The following HAT1 variants were observed in gnomAD, a reference collection of about 807,000 sequenced individuals.
The protein encoded by HAT1 is histone acetyltransferase 1.
Under a neutral mutation model 56.6 loss-of-function variants are expected in HAT1, and 20 were observed. That is an observed-to-expected ratio of 0.35 (90% CI 0.25 to 0.51). HAT1 has a LOEUF of 0.51. Ranked by LOEUF, HAT1 falls within the 20% of genes least tolerant of loss-of-function variation. The probability of loss-of-function intolerance (pLI) is 0.95; values close to 1 mark genes in which losing one functional copy is unlikely to be tolerated. For synonymous variants in HAT1, 146 were observed against 165.5 expected (o/e 0.88, Z 0.91); for missense variants, 408 against 504.3 (o/e 0.81, Z 1.83).
At chr2:171,977,555 ATATT>A (rs1390140334) in intron 9 of HAT1, among the ~76,000 whole-genome samples, 22 of 11,192 alleles carry the variant, frequency 2.0e-3, no homozygotes, top group African/African-American at 4.5e-3. Context: ...ATATATATAT[ATATT>A]TTTTTTTTTT....
At chr2:171,943,106 A>T (rs1422087001) in intron 2 of HAT1, among the ~76,000 whole-genome samples, 1 of 151,758 alleles carries the variant, frequency 6.6e-6, no homozygotes, top group African/African-American at 2.4e-5. Flanking sequence ...ACAGGCATAC[A>T]AAAAATACAG....
At chr2:171,932,713 T>G (rs1686777269) in intron 2 of HAT1, among the ~76,000 whole-genome samples, 1 of 151,892 alleles carries the variant, frequency 6.6e-6, no homozygotes, top group South Asian at 2.1e-4. Context: ...AAAATAAAAT[T>G]TAAAAATTAG....
intron 9 of HAT1, among the ~76,000 whole-genome samples, chr2:171,977,535 ATATATATATATATATATATATAT>A (rs1688001292): frequency 1.0e-4 from 2 of 19,856 alleles, no homozygotes; most frequent in Admixed American, 8.5e-4. Flanking sequence ...ATATATATAT[ATATATATATATATATATATATAT>A]TTTTTTTTTT....
chr2:171,981,498 T>C (rs1262692834), intron 10 of HAT1, among the ~76,000 whole-genome samples: 1 of 152,214 alleles, frequency 6.6e-6, no homozygotes, highest in Non-Finnish European at 1.5e-5. Flanking sequence ...ATGCTGATGG[T>C]TCATTGGCTG....
chr2:171,958,449 T>G (rs1687499586), intron 4 of HAT1, among the ~76,000 whole-genome samples: 1 of 152,120 alleles, frequency 6.6e-6, no homozygotes, highest in African/African-American at 2.4e-5. Flanking sequence ...AAAAAATATT[T>G]TTTTAATTTT....
At chr2:171,929,232 A>G (rs970667869) in intron 2 of HAT1, among the ~76,000 whole-genome samples, 5 of 152,020 alleles carry the variant, frequency 3.3e-5, no homozygotes, top group Admixed American at 1.3e-4. Flanking sequence ...GCTATTAAGG[A>G]TTGTTTTTTT....
intron 3 of HAT1, among the ~76,000 whole-genome samples, chr2:171,948,595 A>C (rs1227217645): frequency 6.6e-6 from 1 of 152,282 alleles, no homozygotes; most frequent in South Asian, 2.1e-4. Context: ...TAATTCCTTT[A>C]TAGCAATTTT....
In HAT1 at chr2:171,966,967, T is replaced by G. The variant is rs199558216; in HGVS notation, c.823+18T>G. 1,881 of 1,060,090 alleles carry G rather than the reference T, an allele frequency of 1.8e-3. 16 individuals are homozygous for G. The East Asian group carries it at 0.028, about 16-fold the overall frequency. The allele number at this position is 1,060,090 out of a possible 1,614,324, so 65.7% of individuals were successfully genotyped here. On this transcript the variant is annotated intron_variant, in intron 8 of 10. Transcript: ENST00000264108. Reference sequence around the variant, plus strand: ...TATTACAGGTATGTAAAATTTGATTTGTTACTGAAAGAGCCTTTCTAAAAA... The same window carrying G: ...TATTACAGGTATGTAAAATTTGATTGGTTACTGAAAGAGCCTTTCTAAAAA...
At chr2:171,980,129 C>G (rs1268204646) in intron 10 of HAT1, 2 of 152,108 alleles carry the variant, frequency 1.3e-5, no homozygotes, top group African/African-American at 2.4e-5. Flanking sequence ...AACAAACAAA[C>G]AAACTTATCC....
chr2:171,975,154 G>C (rs1339751228), intron 8 of HAT1, among the ~76,000 whole-genome samples: 1 of 150,876 alleles, frequency 6.6e-6, no homozygotes, highest in Non-Finnish European at 1.5e-5. Flanking sequence ...GCCCAGGCAG[G>C]AGTGCAGTGG....
chr2:171,934,799 G>A (rs964126871), intron 2 of HAT1, among the ~76,000 whole-genome samples: 9 of 134,798 alleles, frequency 6.7e-5, no homozygotes, highest in African/African-American at 2.2e-4. Flanking sequence ...CTTGTCATCC[G>A]GGCTGGAGTG....
At chr2:171,941,600 A>G (rs1031232719) in intron 2 of HAT1, among the ~76,000 whole-genome samples, 1 of 152,186 alleles carries the variant, frequency 6.6e-6, no homozygotes, top group African/African-American at 2.4e-5. Flanking sequence ...GGAGCCGTCA[A>G]CCTAGATCCC....
intron 4 of HAT1, among the ~76,000 whole-genome samples, chr2:171,955,931 G>A (rs973733096): frequency 2.0e-5 from 3 of 151,934 alleles, no homozygotes; most frequent in Non-Finnish European, 4.4e-5. Context: ...TGTAATCCCA[G>A]CTACTCGGGA....
chr2:171,956,929 A>G (rs1687462095), intron 4 of HAT1, among the ~76,000 whole-genome samples: 1 of 152,200 alleles, frequency 6.6e-6, no homozygotes, highest in African/African-American at 2.4e-5. Flanking sequence ...TGAGTGTGAC[A>G]GGATAACCTT....
chr2:171,945,343 C>T (rs937460716), intron 2 of HAT1, among the ~76,000 whole-genome samples: 11 of 151,770 alleles, frequency 7.2e-5, no homozygotes, highest in African/African-American at 1.9e-4. Flanking sequence ...AAATTGAAGT[C>T]GAGGGTACAG....
At chr2:171,955,683 A>C (rs1035115728) in intron 4 of HAT1, among the ~76,000 whole-genome samples, 3 of 152,138 alleles carry the variant, frequency 2.0e-5, no homozygotes, top group African/African-American at 4.8e-5. Flanking sequence ...TGAAGCTAGG[A>C]GTGTAGGAGA....
rs193074532 is a variant in HAT1 at position 171,979,391 on chromosome 2, G to C, written c.1092+28G>C. ...AGGACTTTCAAGAATCTTAAACACT[G>C]TATTCTTTTCACTGTTTAAAACAGA... On this transcript the variant is annotated intron_variant, in intron 10 of 10. Transcript: ENST00000264108. 445 of 1,044,994 alleles carry C rather than the reference G, an allele frequency of 4.3e-4. 2 individuals are homozygous for C. The African/African-American group carries it at 6.4e-3, about 15-fold the overall frequency. The allele number at this position is 1,044,994 out of a possible 1,614,324, so 64.7% of individuals were successfully genotyped here.
rs1321732598 is a variant in HAT1, at chr2:171,950,164, G to GT, written c.189-2710dup. On this transcript the variant is annotated intron_variant, in intron 3 of 10. Coordinates refer to ENST00000264108, the MANE Select transcript of HAT1 (RefSeq NM_003642.4). ...TTTCTTTAATGTGTGGGGGTTTTGGGTTTTTTTGTTTGTTTGTTTTTTGAG... is the reference window on the plus strand; with the variant it reads ...TTTCTTTAATGTGTGGGGGTTTTGGGTTTTTTTTGTTTGTTTGTTTTTTGAG... Among the ~76,000 whole-genome samples, 3 of 151,760 alleles carry GT rather than the reference G, an allele frequency of 2.0e-5. No individual in the cohort carries two copies. In the South Asian group the frequency reaches 6.2e-4, roughly 32 times the overall value.
intron 2 of HAT1, among the ~76,000 whole-genome samples, chr2:171,935,283 G>A (rs1686843729): frequency 6.6e-6 from 1 of 150,904 alleles, no homozygotes; most frequent in Non-Finnish European, 1.5e-5. Flanking sequence ...GGGAGGCAGA[G>A]GCGGGTGGAT....
Sources: gnomAD v4.1 joint callset for allele counts (sites outside exome capture counted in the v4.1 genomes callset) on GRCh38, gnomAD v4.1.1 for gene constraint, MANE v1.5 for transcripts, NCBI Gene and HGNC (gene_info 2026-07-23, HGNC 2026-07-21) for gene names.